SLC24A4: variants seen among roughly 807,000 people sequenced by gnomAD.
SLC24A4 encodes sodium/potassium/calcium exchanger 4.
Under a neutral mutation model 79.0 loss-of-function variants are expected in SLC24A4, and 53 were observed. That is an observed-to-expected ratio of 0.67 (90% CI 0.54 to 0.84). SLC24A4 has a LOEUF of 0.84. Among genes scored for constraint, SLC24A4 ranks in the 40% least tolerant of loss-of-function variants. The pLI is 0.00. For missense variants in SLC24A4, 731 were observed against 822.0 expected, an observed-to-expected ratio of 0.89 and a Z score of 1.35; for synonymous variants, 323 against 323.8, an observed-to-expected ratio of 1.00 and a Z score of 0.03.
At chr14:92,324,951 C>T (rs576728923) in intron 1 of SLC24A4, among the ~76,000 whole-genome samples, 18 of 152,274 alleles carry the variant, frequency 1.2e-4, no homozygotes, top group Admixed American at 1.2e-3. Flanking sequence ...AACTGCCTTT[C>T]GAAACCTAAA....
chr14:92,405,506 A>G (rs1035423618), intron 2 of SLC24A4, among the ~76,000 whole-genome samples: 3 of 152,186 alleles, frequency 2.0e-5, no homozygotes, highest in Admixed American at 2.0e-4. Flanking sequence ...ACACTGCTAT[A>G]ATGAACCACC....
intron 2 of SLC24A4, among the ~76,000 whole-genome samples, chr14:92,424,543 C>A (rs76862589): frequency 6.6e-6 from 1 of 151,860 alleles, no homozygotes; most frequent in East Asian, 1.9e-4. Context: ...AGCAAAAGAG[C>A]GGGAGAAGAG....
intron 13 of SLC24A4, among the ~76,000 whole-genome samples, chr14:92,485,192 G>A (rs759601564): frequency 1.3e-5 from 2 of 152,160 alleles, no homozygotes; most frequent in Non-Finnish European, 2.9e-5. Flanking sequence ...GACTGGGTGT[G>A]GTGGCTCACA....
intron 12 of SLC24A4, among the ~76,000 whole-genome samples, chr14:92,464,170 A>C (rs1162704011): frequency 6.6e-6 from 1 of 152,250 alleles, no homozygotes; most frequent in Non-Finnish European, 1.5e-5. Flanking sequence ...ATATTCTTTT[A>C]AGTTTTCTGT....
chr14:92,447,166 T>C (rs1435121442), intron 8 of SLC24A4, among the ~76,000 whole-genome samples: 2 of 152,198 alleles, frequency 1.3e-5, no homozygotes, highest in Non-Finnish European at 2.9e-5. Flanking sequence ...CCCTCAGCTT[T>C]TCTCGCTTGA....
intron 2 of SLC24A4, among the ~76,000 whole-genome samples, chr14:92,423,068 C>T (rs528675757): frequency 1.4e-3 from 207 of 152,174 alleles, no homozygotes; most frequent in African/African-American, 4.7e-3. Context: ...ACCTCAGCCT[C>T]CCAAAGTACT....
intron 12 of SLC24A4, among the ~76,000 whole-genome samples, chr14:92,457,048 A>G (rs1195175165): frequency 6.6e-6 from 1 of 152,220 alleles, no homozygotes; most frequent in African/African-American, 2.4e-5. Flanking sequence ...CTAAGGCCAC[A>G]AATGATCCTT....
At chr14:92,464,177 C>T (rs1474231626) in intron 12 of SLC24A4, among the ~76,000 whole-genome samples, 1 of 152,142 alleles carries the variant, frequency 6.6e-6, no homozygotes, top group African/African-American at 2.4e-5. Context: ...TTTAAGTTTT[C>T]TGTGGTTAGC....
Position 92,350,778 on chromosome 14 carries a change from C to T in SLC24A4, c.241+24800C>T, listed in dbSNP as rs1886816266. 2.6e-5 allele frequency among the ~76,000 whole-genome samples: 4 copies of T among 152,276 alleles called. No individual in the cohort carries two copies. In the Middle Eastern group the frequency reaches 0.01, roughly 388 times the overall value. Reference sequence around the variant, plus strand: ...GAGCTTGGCCAGATATGCTCACTTGCCACCTGCAATGGACTGAATGCTTGT... The same window carrying T: ...GAGCTTGGCCAGATATGCTCACTTGTCACCTGCAATGGACTGAATGCTTGT... On this transcript the variant is annotated intron_variant, in intron 2 of 16. Coordinates refer to ENST00000532405, the MANE Select transcript of SLC24A4 (RefSeq NM_153646.4).
chr14:92,451,067 G>C (rs1348645015), intron 10 of SLC24A4: 1 of 152,242 alleles, frequency 6.6e-6, no homozygotes, highest in Non-Finnish European at 1.5e-5. Flanking sequence ...TGGAAGACTG[G>C]ACACAGGACT....
At chr14:92,384,568 A>G (rs1057442281) in intron 2 of SLC24A4, among the ~76,000 whole-genome samples, 5 of 152,132 alleles carry the variant, frequency 3.3e-5, no homozygotes, top group African/African-American at 1.2e-4. Context: ...GTGTAGGGAC[A>G]GGTAGAAATG....
At chr14:92,448,617 G>A (rs1892950857) in intron 9 of SLC24A4, among the ~76,000 whole-genome samples, 1 of 152,198 alleles carries the variant, frequency 6.6e-6, no homozygotes. Flanking sequence ...TCTTTGAGAT[G>A]GAGAGACTCT....
At chr14:92,377,673 C>A (rs138545899) in intron 2 of SLC24A4, among the ~76,000 whole-genome samples, 8 of 152,268 alleles carry the variant, frequency 5.3e-5, no homozygotes, top group African/African-American at 1.9e-4. Flanking sequence ...GGTCAGGGTA[C>A]ATTCTAGATC....
At chr14:92,348,765 G>GA (rs1354747615) in intron 2 of SLC24A4, among the ~76,000 whole-genome samples, 2 of 152,226 alleles carry the variant, frequency 1.3e-5, no homozygotes, top group Admixed American at 1.3e-4. Context: ...TGTGCATGGG[G>GA]AAAATCCCTT....
intron 2 of SLC24A4, among the ~76,000 whole-genome samples, chr14:92,390,607 A>C (rs775301249): frequency 6.6e-6 from 1 of 152,110 alleles, no homozygotes; most frequent in African/African-American, 2.4e-5. Context: ...CTGTGACTGT[A>C]CTCTGTCCCC....
intron 12 of SLC24A4, chr14:92,457,118 CTG>C: frequency 6.2e-6 from 1 of 161,490 alleles, no homozygotes; most frequent in Non-Finnish European, 1.4e-5. Context: ...TCCAATCAGA[CTG>C]AGGCTCTGCA....
intron 2 of SLC24A4, among the ~76,000 whole-genome samples, chr14:92,385,520 G>A (rs1244538372): frequency 6.6e-6 from 1 of 150,882 alleles, no homozygotes; most frequent in African/African-American, 2.5e-5. Context: ...ATCATGCAAT[G>A]TTATTTTTAA....
chr14:92,413,887 C>T (rs571974657), intron 2 of SLC24A4, among the ~76,000 whole-genome samples: 148 of 152,192 alleles, frequency 9.7e-4, no homozygotes, highest in Non-Finnish European at 1.8e-4. Context: ...GTATTTGAAT[C>T]GACTGAATGA....
intron 2 of SLC24A4, among the ~76,000 whole-genome samples, chr14:92,394,383 G>GC (rs1384265859): frequency 6.6e-6 from 1 of 151,850 alleles, no homozygotes; most frequent in Non-Finnish European, 1.5e-5. Flanking sequence ...ATTACTTGAG[G>GC]CCAAGAGTTG....
Sources: gnomAD v4.1 joint callset for allele counts (sites outside exome capture counted in the v4.1 genomes callset) on GRCh38, gnomAD v4.1.1 for gene constraint, MANE v1.5 for transcripts, NCBI Gene and HGNC (gene_info 2026-07-23, HGNC 2026-07-21) for gene names.